LYZL1: variants seen among roughly 807,000 people sequenced by gnomAD.
The protein encoded by LYZL1 is lysozyme like 1.
Under a neutral mutation model 17.9 loss-of-function variants are expected in LYZL1, and 16 were observed. That is an observed-to-expected ratio of 0.90 (90% CI 0.61 to 1.36). The LOEUF is 1.36. Among genes scored for constraint, LYZL1 ranks in the 40% most tolerant of loss-of-function variants. The probability of loss-of-function intolerance (pLI) is 0.00; values close to 1 mark genes in which losing one functional copy is unlikely to be tolerated. For missense variants in LYZL1, 149 were observed against 188.4 expected (o/e 0.79, Z 1.22); for synonymous variants, 58 against 71.8 (o/e 0.81, Z 0.97).
At chr10:29,295,916 A>G (rs1156234441) in intron 3 of LYZL1, among the ~76,000 whole-genome samples, 1 of 152,176 alleles carries the variant, frequency 6.6e-6, no homozygotes, top group Admixed American at 6.5e-5. Flanking sequence ...AACACCCACA[A>G]GGAACTGAAC....
chr10:29,311,340 A>G, downstream of LYZL1: 1 of 944,962 alleles, frequency 1.1e-6, no homozygotes, highest in Non-Finnish European at 1.4e-6. Flanking sequence ...CATTGTAGGG[A>G]GTCCTGGTTT....
Position 29,303,918 on chromosome 10 carries a change from T to C in LYZL1, c.299-6192T>C, listed in dbSNP as rs77727395. Among the ~76,000 whole-genome samples the C allele has an allele frequency of 9.3e-3, 1,421 of 152,286 alleles. 19 individuals are homozygous for C. Among genetic ancestry groups the C allele is most frequent in the African/African-American group, 0.033 (1,357 of 41,562 alleles). ...TGTACAGCATGGATACACTTCATGA[T>C]CTTTTTCTTCTTTTTGTTTTTGGTA... On this transcript the variant is annotated intron_variant, in intron 3 of 4. Coordinates refer to ENST00000649382, the MANE Select transcript of LYZL1 (RefSeq NM_032517.6).
chr10:29,317,798 C>G (rs1835748658), intron 4 of LYZL1, among the ~76,000 whole-genome samples: 1 of 152,034 alleles, frequency 6.6e-6, no homozygotes, highest in African/African-American at 2.4e-5. Flanking sequence ...GATTAATTTA[C>G]CTGGGGATGG....
At chr10:29,292,905 A>C (rs986471528) in intron 3 of LYZL1, among the ~76,000 whole-genome samples, 1 of 152,142 alleles carries the variant, frequency 6.6e-6, no homozygotes, top group African/African-American at 2.4e-5. Context: ...TGAAGCCCCC[A>C]CTAAAGCAGG....
chr10:29,316,642 C>A (rs772033482), intron 3 of LYZL1, among the ~76,000 whole-genome samples: 6 of 151,334 alleles, frequency 4.0e-5, no homozygotes, highest in Non-Finnish European at 7.4e-5. Flanking sequence ...AAATCCATAA[C>A]TGCTATTAAT....
intron 3 of LYZL1, among the ~76,000 whole-genome samples, chr10:29,306,549 C>CAAAAAAAAAAAAAAAAAAAAAAAAAAA (rs58001118): frequency 2.0e-5 from 1 of 48,794 alleles, no homozygotes; most frequent in Non-Finnish European, 3.6e-5. Flanking sequence ...GACTCCGTCT[C>CAAAAAAAAAAAAAAAAAAAAAAAAAAA]AAAAAAAAAA....
chr10:29,312,237 C>T (rs1269422620), downstream of LYZL1, among the ~76,000 whole-genome samples: 2 of 152,194 alleles, frequency 1.3e-5, no homozygotes, highest in African/African-American at 4.8e-5. Context: ...TTACCCCTGA[C>T]ATCAAGAGAG....
chr10:29,311,307 G>GTTTTTTCCAAGGCTA, downstream of LYZL1: 1 of 1,251,566 alleles, frequency 8.0e-7, no homozygotes, highest in Non-Finnish European at 1.0e-6. Flanking sequence ...CTCTAGCCTT[G>GTTTTTTCCAAGGCTA]GAAAAAACAA....
chr10:29,314,339 C>T (rs1835705290), downstream of LYZL1, among the ~76,000 whole-genome samples: 1 of 152,180 alleles, frequency 6.6e-6, no homozygotes, highest in African/African-American at 2.4e-5. Context: ...CAGTGCTAAA[C>T]ACATAATAGT....
chr10:29,305,560 A>G (rs1442551517), intron 3 of LYZL1, among the ~76,000 whole-genome samples: 3 of 152,246 alleles, frequency 2.0e-5, no homozygotes, highest in African/African-American at 7.2e-5. Context: ...AGATTTCTAT[A>G]AAACATAAGC....
chr10:29,292,965 T>A (rs537348037), intron 3 of LYZL1, among the ~76,000 whole-genome samples: 1 of 152,134 alleles, frequency 6.6e-6, no homozygotes, highest in Non-Finnish European at 1.5e-5. Context: ...ATATTTGATG[T>A]CTTCAGTAAG....
At chr10:29,318,319 T>TACTTATGAATCTGGG in exon 5 of LYZL1, 2 of 312,952 alleles carry the variant, frequency 6.4e-6, no homozygotes, top group Non-Finnish European at 9.3e-6. Context: ...AAGCCCAGAT[T>TACTTATGAATCTGGG]CATAAGTAAT....
chr10:29,311,597 ATTG>A (rs1308649017), downstream of LYZL1, among the ~76,000 whole-genome samples: 1 of 152,206 alleles, frequency 6.6e-6, no homozygotes, highest in East Asian at 1.9e-4. Flanking sequence ...ACTGTTTGAT[ATTG>A]AAATTCTCAT....
At chr10:29,298,341 C>T (rs552917407) in intron 3 of LYZL1, among the ~76,000 whole-genome samples, 61 of 152,220 alleles carry the variant, frequency 4.0e-4, no homozygotes, top group Non-Finnish European at 7.2e-4. Context: ...TGCTGAGTGA[C>T]CTGACAGAAA....
intron 3 of LYZL1, among the ~76,000 whole-genome samples, chr10:29,301,594 ATCTAG>A (rs1452658049): frequency 1.3e-5 from 2 of 152,098 alleles, no homozygotes; most frequent in African/African-American, 4.8e-5. Context: ...TGTCTTTTTT[ATCTAG>A]TCATTTTTAA....
chr10:29,306,973 G>A (rs972143032), intron 3 of LYZL1, among the ~76,000 whole-genome samples: 17 of 152,100 alleles, frequency 1.1e-4, no homozygotes, highest in African/African-American at 4.1e-4. Context: ...TCCTGCCTCT[G>A]TCTTCTGAGT....
At chr10:29,301,545 A>G (rs1835518423) in intron 3 of LYZL1, among the ~76,000 whole-genome samples, 1 of 152,090 alleles carries the variant, frequency 6.6e-6, no homozygotes, top group African/African-American at 2.4e-5. Flanking sequence ...TATGATGGGA[A>G]ACCAATGATT....
At chr10:29,306,047 C>T (rs138826193) in intron 3 of LYZL1, among the ~76,000 whole-genome samples, 96 of 152,220 alleles carry the variant, frequency 6.3e-4, no homozygotes, top group African/African-American at 1.6e-3. Context: ...TTAGAAAATA[C>T]GCAGCAAAGA....
At chr10:29,306,808 G>GTGTGTGTGTC (rs1163557301) in intron 3 of LYZL1, among the ~76,000 whole-genome samples, 1 of 140,088 alleles carries the variant, frequency 7.1e-6, no homozygotes, top group African/African-American at 2.8e-5. Context: ...GTGTGTGTGT[G>GTGTGTGTGTC]TGTGTGTGTG....
Sources: gnomAD v4.1 joint callset for allele counts (sites outside exome capture counted in the v4.1 genomes callset) on GRCh38, gnomAD v4.1.1 for gene constraint, MANE v1.5 for transcripts, NCBI Gene and HGNC (gene_info 2026-07-23, HGNC 2026-07-21) for gene names.